The following IQCH variants were observed in gnomAD, a reference collection of about 807,000 sequenced individuals.
IQCH encodes IQ domain-containing protein H.
In IQCH, 98 loss-of-function variants were observed where a neutral mutation model predicts 117.0. The ratio of observed to expected loss-of-function variants is 0.84; its 90% CI spans 0.71 to 0.99. The LOEUF is 0.99. Among genes scored for constraint, IQCH ranks in the 50% least tolerant of loss-of-function variants. The pLI is 0.00. For synonymous variants in IQCH, 412 were observed against 448.2 expected, an observed-to-expected ratio of 0.92 and a Z score of 1.02; for missense variants, 1,102 against 1,243.8, an observed-to-expected ratio of 0.89 and a Z score of 1.72.
rs186819136 is a variant in IQCH, at chr15:67,286,754, G to T, written c.387+7242G>T. Among the ~76,000 whole-genome samples the T allele has an allele frequency of 2.0e-4, 31 of 152,000 alleles. No individual in the cohort carries two copies. The South Asian group carries it at 5.2e-3, about 26-fold the overall frequency. ...CTCCCAAGTATCTGGGATTACAGGCGCAGGCCACCACACCCGGCTAATTTT... is the reference window on the plus strand; with the variant it reads ...CTCCCAAGTATCTGGGATTACAGGCTCAGGCCACCACACCCGGCTAATTTT... On this transcript the variant is annotated intron_variant, in intron 4 of 20. Coordinates refer to ENST00000335894, the MANE Select transcript of IQCH (RefSeq NM_001031715.3).
chr15:67,360,028 A>T, intron 8 of IQCH, 143 bp downstream of exon 8: 1 of 636,762 alleles, frequency 1.6e-6, no homozygotes, highest in Non-Finnish European at 2.8e-6. Context: ...AAGAAATTAG[A>T]TCATGGTTTC....
rs1018728936 is a variant in IQCH at position 67,340,770 on chromosome 15, A to G, written c.509-3293A>G. On this transcript the variant is annotated intron_variant, in intron 5 of 20. Coordinates refer to ENST00000335894, the MANE Select transcript of IQCH (RefSeq NM_001031715.3). Reference sequence around the variant, plus strand: ...AAGCCAATCAGAACAGAATTCCTTTATGATCTAATTTATTAATGCCATCTG... The same window carrying G: ...AAGCCAATCAGAACAGAATTCCTTTGTGATCTAATTTATTAATGCCATCTG... Among the ~76,000 whole-genome samples the G allele has an allele frequency of 2.6e-5, 4 of 152,202 alleles. No homozygotes were observed. The South Asian group carries it at 8.3e-4, about 31-fold the overall frequency.
chr15:67,263,052 C>G (rs1965523582), intron 2 of IQCH, 70 bp from the exon 3 acceptor site: 1 of 819,674 alleles, frequency 1.2e-6, no homozygotes, highest in African/African-American at 1.7e-5. Context: ...GAGTATTAAC[C>G]TAATGAAGTA....
rs984741337 is a variant in IQCH, at chr15:67,422,773, A to C, written c.2505+1196A>C. On this transcript the variant is annotated intron_variant, in intron 16 of 20. Coordinates refer to ENST00000335894, the MANE Select transcript of IQCH (RefSeq NM_001031715.3). This position sits in a 1 kb window ranked among gnomAD's most constrained non-coding sequence, Gnocchi z 4.7. Reference sequence around the variant, plus strand: ...TAACCTTTTTCACTTTGCTTTTCCCACCTAAAAGTATAATGTTAAAGTTCA... The same window carrying C: ...TAACCTTTTTCACTTTGCTTTTCCCCCCTAAAAGTATAATGTTAAAGTTCA... 2.6e-5 allele frequency among the ~76,000 whole-genome samples: 4 copies of C among 152,056 alleles called. No individual in the cohort carries two copies. The highest frequency in any genetic ancestry group is 5.9e-5 in the Non-Finnish European group (4 of 68,028).
At chr15:67,483,691 C>T (rs2083399144) in intron 18 of IQCH, among the ~76,000 whole-genome samples, 1 of 152,122 alleles carries the variant, frequency 6.6e-6, no homozygotes, top group African/African-American at 2.4e-5. Flanking sequence ...TCCCAAAGTG[C>T]TGGGAGGCAA....
intron 3 of IQCH, among the ~76,000 whole-genome samples, chr15:67,270,551 G>C (rs1166074403): frequency 6.6e-6 from 1 of 152,090 alleles, no homozygotes; most frequent in East Asian, 1.9e-4. Flanking sequence ...TGAATGGATT[G>C]GTGCCATTCT....
At chr15:67,334,603 T>C (rs975914556) in intron 4 of IQCH, among the ~76,000 whole-genome samples, 1 of 152,080 alleles carries the variant, frequency 6.6e-6, no homozygotes, top group Non-Finnish European at 1.5e-5. Flanking sequence ...CCTGGGGAGC[T>C]TTCTAGAAAT....
chr15:67,349,097 T>C (rs1969536094), intron 6 of IQCH, among the ~76,000 whole-genome samples: 2 of 152,254 alleles, frequency 1.3e-5, no homozygotes, highest in African/African-American at 4.8e-5. Context: ...TTGCACCATG[T>C]ACAAAAATTA....
Position 67,436,208 on chromosome 15 carries a change from T to G in IQCH, c.2505+14631T>G, listed in dbSNP as rs1418459376. 6.6e-6 allele frequency among the ~76,000 whole-genome samples: 1 copy of G among 152,154 alleles called. No homozygotes were observed. The highest frequency in any genetic ancestry group is 1.5e-5 in the Non-Finnish European group (1 of 68,026). On this transcript the variant is annotated intron_variant, in intron 16 of 20. Coordinates refer to ENST00000335894, the MANE Select transcript of IQCH (RefSeq NM_001031715.3). This position sits in a 1 kb window ranked among gnomAD's most constrained non-coding sequence, Gnocchi z 5.1. ...CCCACTGAAGGAAGCCGACTGCTCC[T>G]GCAGGACCCAGGAGACACCCCAAAT...
rs1971929011 is a variant in IQCH, at chr15:67,406,856, T to C, written c.2097+6551T>C. 1.3e-5 allele frequency: 2 copies of C among 152,240 alleles called. No individual in the cohort carries two copies. The highest frequency in any genetic ancestry group is 4.8e-5 in the African/African-American group (2 of 41,450). The allele number at this position is 152,240 out of a possible 1,614,324, so 9.4% of individuals were successfully genotyped here. ...GTGACAAGTAAATGAGATAATTCTATGAATTGGCTAGCAGTGTGCTTAGCA... is the reference window on the plus strand; with the variant it reads ...GTGACAAGTAAATGAGATAATTCTACGAATTGGCTAGCAGTGTGCTTAGCA... On this transcript the variant is annotated intron_variant, in intron 14 of 20. Coordinates refer to ENST00000335894, the MANE Select transcript of IQCH (RefSeq NM_001031715.3). This position sits in a 1 kb window ranked among gnomAD's most constrained non-coding sequence, Gnocchi z 4.5.
In IQCH at chr15:67,413,038, C is replaced by G. The variant is rs1174151573; in HGVS notation, c.2098-3893C>G. Among the ~76,000 whole-genome samples, 1 of 151,776 alleles carries G rather than the reference C, an allele frequency of 6.6e-6. No homozygotes were observed. The highest frequency in any genetic ancestry group is 1.5e-5 in the Non-Finnish European group (1 of 67,988). ...TTTTACAAATAGTATTCTAATGATT[C>G]ACATGAATTGGAGTGTTTGTCTGTT... On this transcript the variant is annotated intron_variant, in intron 14 of 20. Transcript: ENST00000335894. The surrounding 1 kb of genome is among the most constrained non-coding windows in gnomAD (Gnocchi z 5.0).
At chr15:67,497,262 T>A (rs1596504902) in intron 20 of IQCH, among the ~76,000 whole-genome samples, 1 of 151,138 alleles carries the variant, frequency 6.6e-6, no homozygotes, top group Admixed American at 6.6e-5. Flanking sequence ...GTCAGGTAGG[T>A]TGAGGCTGCA....
chr15:67,451,274 T>A (rs2082519094), intron 16 of IQCH, among the ~76,000 whole-genome samples: 2 of 152,180 alleles, frequency 1.3e-5, no homozygotes, highest in Non-Finnish European at 2.9e-5. Flanking sequence ...AGCTTTTGAA[T>A]GTGTTTGCTC....
rs143915181 is a variant in IQCH, at chr15:67,438,372, C to T, written c.2505+16795C>T. 8.5e-3 allele frequency among the ~76,000 whole-genome samples: 1,287 copies of T among 152,274 alleles called. 11 individuals carry two copies. The highest frequency in any genetic ancestry group is 0.014 in the Non-Finnish European group (977 of 68,024). ...GCTGAGAGAATTCGCCATTACCACG[C>T]CACCACTACAAGAACTGCTAAAAGG... On this transcript the variant is annotated intron_variant, in intron 16 of 20. Transcript: ENST00000335894.
Position 67,422,041 on chromosome 15 carries a change from A to G in IQCH, c.2505+464A>G, listed in dbSNP as rs200168832. Among the ~76,000 whole-genome samples, 1 of 151,744 alleles carries G rather than the reference A, an allele frequency of 6.6e-6. No homozygotes were observed. The highest frequency in any genetic ancestry group is 2.4e-5 in the African/African-American group (1 of 41,276). On this transcript the variant is annotated intron_variant, in intron 16 of 20. Coordinates refer to ENST00000335894, the MANE Select transcript of IQCH (RefSeq NM_001031715.3). The surrounding 1 kb of genome is among the most constrained non-coding windows in gnomAD (Gnocchi z 4.7). ...TTGAACCCGGGAGGCAGAGGTTGCAATGAGCCGAGATCATGCTACTACACT... is the reference window on the plus strand; with the variant it reads ...TTGAACCCGGGAGGCAGAGGTTGCAGTGAGCCGAGATCATGCTACTACACT...
rs4275804 is a variant in IQCH at position 67,395,630 on chromosome 15, T to C, written c.1905+67T>C. 0.11 allele frequency: 162,234 copies of C among 1,515,132 alleles called. 9,865 individuals are homozygous for C. Among genetic ancestry groups the C allele is most frequent in the Middle Eastern group, 0.17 (977 of 5,668 alleles). The allele number at this position is 1,515,132 out of a possible 1,614,324, so 93.9% of individuals were successfully genotyped here. A position where few individuals can be genotyped will look rare whatever the true frequency, so the allele number is the denominator to read the frequency against. The stretch of plus-strand genomic sequence containing the variant: ...AACATCCTCTTGATCTTGGACAATT[T>C]CCAAGTCTTCTGGAGCCAGACCTAC... On this transcript the variant is annotated intron_variant, in intron 13 of 20. Transcript: ENST00000335894. This position sits in a 1 kb window ranked among gnomAD's most constrained non-coding sequence, Gnocchi z 4.0.
In IQCH at chr15:67,500,762, C is replaced by T; in HGVS notation, c.*16C>T. 2 of 1,336,882 alleles carry T rather than the reference C, an allele frequency of 1.5e-6. No individual in the cohort carries two copies. The highest frequency in any genetic ancestry group is 2.1e-6 in the Non-Finnish European group (2 of 959,430). 82.8% of individuals were successfully genotyped at this position (1,336,882 alleles called of 1,614,324 possible). ...CAAGAAATGATCCTGGAATACAGTA[C>T]ATAACAATTTGGATCCCAGTCTGGA... On this transcript the variant is annotated 3_prime_UTR_variant, in exon 21 of 21. Coordinates refer to ENST00000335894, the MANE Select transcript of IQCH (RefSeq NM_001031715.3). The surrounding 1 kb of genome is among the most constrained non-coding windows in gnomAD (Gnocchi z 4.4).
chr15:67,419,672 G>A (rs1017943781), intron 15 of IQCH, among the ~76,000 whole-genome samples: 1 of 152,150 alleles, frequency 6.6e-6, no homozygotes, highest in Non-Finnish European at 1.5e-5. Flanking sequence ...TCCCATCTCA[G>A]CCTTCTGAGT....
rs779745190 is a variant in IQCH, at chr15:67,373,419, A to G, written c.1358A>G (p.His453Arg). Residue 453 changes from histidine to arginine, a missense_variant, in exon 10 of 21, where the codon CAT becomes CGT. By Grantham distance (29) the His-to-Arg change is conservative. Transcript: ENST00000335894. ...RIRTSRRTII[H>R]IPSLGYSQPV... The stretch of plus-strand genomic sequence containing the variant: ...AGGACCTCCAGGAGGACTATTATCC[A>G]TATCCCATCATTAGGTATAACACTT... The G allele has an allele frequency of 1.9e-6, 3 of 1,608,596 alleles. No homozygotes were observed. The highest frequency in any genetic ancestry group is 2.2e-5 in the East Asian group (1 of 44,854).
Sources: allele counts gnomAD v4.1 joint callset (sites outside exome capture counted in the v4.1 genomes callset), GRCh38; gene constraint gnomAD v4.1.1; non-coding constraint Gnocchi (gnomAD v3.1); transcripts MANE v1.5; gene names NCBI Gene and HGNC (gene_info 2026-07-23, HGNC 2026-07-21).